Variants in NKAIN2 observed in about 807,000 individuals in gnomAD.
NKAIN2 encodes sodium/potassium transporting ATPase interacting 2.
In NKAIN2, 14 loss-of-function variants were observed where a neutral mutation model predicts 32.6. The observed-to-expected ratio is 0.43, with a 90% CI of 0.28 to 0.67. The LOEUF (loss-of-function observed/expected upper bound fraction) is 0.67, where lower values mean the gene tolerates loss of function less well. NKAIN2 is among the 30% of genes least tolerant of loss of function. The pLI is 0.17. For synonymous variants in NKAIN2, 80 were observed against 87.2 expected, an observed-to-expected ratio of 0.92 and a Z score of 0.46; for missense variants, 198 against 258.3, an observed-to-expected ratio of 0.77 and a Z score of 1.60.
At chr6:123,890,392 A>G (rs527470073) in intron 1 of NKAIN2, among the ~76,000 whole-genome samples, 322 of 152,148 alleles carry the variant, frequency 2.1e-3, no homozygotes, top group Non-Finnish European at 3.8e-3. Context: ...GTCCTTAAAC[A>G]TCTTTCCTTT....
At chr6:124,607,017 G>A (rs1022555795) in intron 3 of NKAIN2, among the ~76,000 whole-genome samples, 2 of 152,128 alleles carry the variant, frequency 1.3e-5, no homozygotes, top group African/African-American at 4.8e-5. Flanking sequence ...GAAGAGAATT[G>A]AAAATATGGA....
intron 1 of NKAIN2, among the ~76,000 whole-genome samples, chr6:124,123,248 C>T (rs1364924150): frequency 1.3e-5 from 2 of 151,892 alleles, no homozygotes; most frequent in Non-Finnish European, 2.9e-5. Context: ...GCTTGACTGA[C>T]TCTCTGATGG....
intron 1 of NKAIN2, among the ~76,000 whole-genome samples, chr6:123,865,473 A>G (rs1417670797): frequency 6.6e-6 from 1 of 152,060 alleles, no homozygotes; most frequent in Admixed American, 6.5e-5. Context: ...CTCTTTTTTC[A>G]ATTATTTCTC....
chr6:124,715,508 A>G (rs1247064028), intron 4 of NKAIN2, among the ~76,000 whole-genome samples: 1 of 152,194 alleles, frequency 6.6e-6, no homozygotes, highest in East Asian at 1.9e-4. Flanking sequence ...CTCTGTAAGC[A>G]GATCTAGGAA....
At chr6:124,308,513 C>T (rs1796600934) in intron 2 of NKAIN2, among the ~76,000 whole-genome samples, 2 of 151,986 alleles carry the variant, frequency 1.3e-5, no homozygotes, top group African/African-American at 4.8e-5. Flanking sequence ...GAAATATTTC[C>T]TGAGTAGTTA....
intron 3 of NKAIN2, among the ~76,000 whole-genome samples, chr6:124,418,180 G>A (rs751009707): frequency 1.4e-4 from 21 of 147,996 alleles, no homozygotes; most frequent in Non-Finnish European, 2.5e-4. Context: ...GTGTGTGTCT[G>A]TGTGTGTGTG....
At chr6:123,985,919 G>A (rs1273681598) in intron 1 of NKAIN2, among the ~76,000 whole-genome samples, 3 of 152,166 alleles carry the variant, frequency 2.0e-5, no homozygotes, top group Admixed American at 2.0e-4. Context: ...GGAAAGAGAT[G>A]TAATGTATTC....
chr6:123,981,723 A>C (rs945079973), intron 1 of NKAIN2, among the ~76,000 whole-genome samples: 2 of 152,196 alleles, frequency 1.3e-5, no homozygotes, highest in Non-Finnish European at 2.9e-5. Flanking sequence ...TGATTTAATG[A>C]TAAGACACTG....
intron 3 of NKAIN2, among the ~76,000 whole-genome samples, chr6:124,385,877 A>G (rs535955485): frequency 1.3e-3 from 193 of 151,906 alleles, no homozygotes; most frequent in Middle Eastern, 6.8e-3. Flanking sequence ...AAAGTTCATG[A>G]AAAATAGAAC....
intron 3 of NKAIN2, among the ~76,000 whole-genome samples, chr6:124,589,443 C>A (rs1188824945): frequency 2.6e-5 from 4 of 152,102 alleles, no homozygotes; most frequent in Non-Finnish European, 5.9e-5. Context: ...ATAAACTTTT[C>A]TTGATAACGT....
intron 4 of NKAIN2, among the ~76,000 whole-genome samples, chr6:124,674,230 GT>G (rs1207013053): frequency 1.3e-5 from 2 of 151,832 alleles, no homozygotes; most frequent in Non-Finnish European, 2.9e-5. Flanking sequence ...TGTATCTGTT[GT>G]TATGCCAGTA....
intron 3 of NKAIN2, among the ~76,000 whole-genome samples, chr6:124,409,324 G>A (rs1444427663): frequency 6.6e-6 from 1 of 152,104 alleles, no homozygotes; most frequent in Non-Finnish European, 1.5e-5. Context: ...GATATTGGCT[G>A]TGGGTTTGTC....
At chr6:124,507,221 G>A (rs1032572314) in intron 3 of NKAIN2, among the ~76,000 whole-genome samples, 17 of 152,104 alleles carry the variant, frequency 1.1e-4, no homozygotes, top group African/African-American at 4.1e-4. Flanking sequence ...TTGAAAATGT[G>A]GGGCATATTA....
At chr6:124,397,098 C>A (rs1254158854) in intron 3 of NKAIN2, among the ~76,000 whole-genome samples, 1 of 151,910 alleles carries the variant, frequency 6.6e-6, no homozygotes, top group East Asian at 1.9e-4. Flanking sequence ...GATTTTTATT[C>A]ATATCTCTGA....
At chr6:124,462,735 C>G (rs1776581471) in intron 3 of NKAIN2, among the ~76,000 whole-genome samples, 2 of 151,872 alleles carry the variant, frequency 1.3e-5, no homozygotes, top group South Asian at 4.1e-4. Flanking sequence ...GAAAAGAACT[C>G]CATTCACAAA....
At chr6:124,677,254 C>G (rs1773405736) in intron 4 of NKAIN2, among the ~76,000 whole-genome samples, 1 of 152,208 alleles carries the variant, frequency 6.6e-6, no homozygotes, top group Non-Finnish European at 1.5e-5. Context: ...CAGGCGTGAG[C>G]CACCGGGTCT....
At chr6:124,701,861 T>C (rs1183609570) in intron 4 of NKAIN2, among the ~76,000 whole-genome samples, 1 of 152,052 alleles carries the variant, frequency 6.6e-6, no homozygotes. Context: ...TAATAGAACA[T>C]GTTTTAATAA....
At chr6:124,162,747 G>T (rs530946975) in intron 1 of NKAIN2, among the ~76,000 whole-genome samples, 2 of 152,034 alleles carry the variant, frequency 1.3e-5, no homozygotes, top group East Asian at 1.9e-4. Context: ...GCCAGACATT[G>T]CCTGTGACCT....
chr6:124,157,856 T>C (rs1302379413), intron 1 of NKAIN2, among the ~76,000 whole-genome samples: 1 of 152,196 alleles, frequency 6.6e-6, no homozygotes, highest in African/African-American at 2.4e-5. Flanking sequence ...TACTATTGTA[T>C]GTTAATGCAT....
Sources: allele counts gnomAD v4.1 joint callset (sites outside exome capture counted in the v4.1 genomes callset), GRCh38; gene constraint gnomAD v4.1.1; transcripts MANE v1.5; gene names NCBI Gene and HGNC (gene_info 2026-07-23, HGNC 2026-07-21).